The following JMJD1C variants were observed in gnomAD, a reference collection of about 807,000 sequenced individuals.
JMJD1C encodes jumonji domain containing 1C.
JMJD1C carries 31 observed loss-of-function variants against 245.3 expected under a neutral mutation model. The ratio of observed to expected loss-of-function variants is 0.13; its 90% CI spans 0.09 to 0.17. The LOEUF is 0.17. JMJD1C is among the 10% of genes least tolerant of loss of function. The pLI is 1.00. For synonymous variants in JMJD1C, 1,057 were observed against 1,017.4 expected (o/e 1.04, Z -0.74); for missense variants, 2,691 against 3,000.2 (o/e 0.90, Z 2.41).
At chr10:63,182,633 C>A (rs1023826014) in intron 22 of JMJD1C, among the ~76,000 whole-genome samples, 2 of 152,140 alleles carry the variant, frequency 1.3e-5, no homozygotes, top group African/African-American at 4.8e-5. Flanking sequence ...AGGCCTATGA[C>A]TGTATCTATG....
intron 1 of JMJD1C, among the ~76,000 whole-genome samples, chr10:63,433,323 T>C (rs1950878818): frequency 6.6e-6 from 1 of 152,144 alleles, no homozygotes; most frequent in African/African-American, 2.4e-5. Context: ...CTCGAACTCC[T>C]AACCTCAGGT....
chr10:63,283,867 T>C (rs1405579483), intron 2 of JMJD1C, among the ~76,000 whole-genome samples: 1 of 152,016 alleles, frequency 6.6e-6, no homozygotes, highest in African/African-American at 2.4e-5. Flanking sequence ...TTTAAAGTAG[T>C]CATGGAAATA....
At chr10:63,479,941 A>C (rs902642076) in intron 1 of JMJD1C, among the ~76,000 whole-genome samples, 15 of 152,214 alleles carry the variant, frequency 9.9e-5, no homozygotes, top group Non-Finnish European at 1.9e-4. Flanking sequence ...GATTTTTGAG[A>C]AGACTAAATA....
chr10:63,317,844 T>A (rs1443697177), intron 2 of JMJD1C, among the ~76,000 whole-genome samples: 1 of 152,166 alleles, frequency 6.6e-6, no homozygotes. Context: ...AGGTCACTGA[T>A]CTTTTTTCTT....
At chr10:63,188,256 C>T (rs1033145798) in intron 18 of JMJD1C, among the ~76,000 whole-genome samples, 5 of 152,152 alleles carry the variant, frequency 3.3e-5, no homozygotes, top group African/African-American at 1.2e-4. Context: ...AAATTTCAGT[C>T]CAGTAATGTC....
At chr10:63,194,956 T>C (rs1845273048) in intron 13 of JMJD1C, among the ~76,000 whole-genome samples, 1 of 152,228 alleles carries the variant, frequency 6.6e-6, no homozygotes, top group Non-Finnish European at 1.5e-5. Flanking sequence ...ATTTGATACC[T>C]TGATCTCAAG....
chr10:63,182,063 T>A (rs1228770247), intron 22 of JMJD1C, among the ~76,000 whole-genome samples: 1 of 152,196 alleles, frequency 6.6e-6, no homozygotes, highest in Non-Finnish European at 1.5e-5. Context: ...AATTGTCAAA[T>A]GTACACAAAA....
intron 1 of JMJD1C, among the ~76,000 whole-genome samples, chr10:63,476,028 G>C (rs1267161653): frequency 1.3e-5 from 2 of 151,790 alleles, no homozygotes; most frequent in Non-Finnish European, 2.9e-5. Context: ...GGCCAACATG[G>C]TGAAACCCTG....
intron 2 of JMJD1C, among the ~76,000 whole-genome samples, chr10:63,325,214 A>C (rs1284718487): frequency 6.6e-6 from 1 of 152,228 alleles, no homozygotes; most frequent in Non-Finnish European, 1.5e-5. Flanking sequence ...TTAACAAATA[A>C]TACAAACTTT....
In JMJD1C at chr10:63,186,924, A is replaced by G. The variant is rs531900690; in HGVS notation, c.6571-541T>C. Among the ~76,000 whole-genome samples, 5 of 152,300 alleles carry G rather than the reference A, an allele frequency of 3.3e-5. No homozygotes were observed. The East Asian group carries it at 9.6e-4, about 29-fold the overall frequency. Reference sequence around the variant, plus strand: ...TGATATTTACTAGGCTGGGTGTAGCAATGCATTCTTGTAGTCCCAGCTCCC... The same window carrying G: ...TGATATTTACTAGGCTGGGTGTAGCGATGCATTCTTGTAGTCCCAGCTCCC... On this transcript the variant is annotated intron_variant, in intron 18 of 25. Transcript: ENST00000399262.
At chr10:63,215,522 T>TA (rs753992011) in intron 6 of JMJD1C, 31 bp downstream of exon 6, 65 of 1,607,468 alleles carry the variant, frequency 4.0e-5, no homozygotes, top group Non-Finnish European at 5.4e-5. Flanking sequence ...AAAAATATTT[T>TA]ACAGAAATTC....
At chr10:63,356,943 T>C (rs1944895316) in intron 2 of JMJD1C, among the ~76,000 whole-genome samples, 2 of 152,200 alleles carry the variant, frequency 1.3e-5, no homozygotes, top group South Asian at 4.1e-4. Flanking sequence ...AGAATAATAG[T>C]GTCTACCTCA....
At chr10:63,379,674 A>G (rs539888545) in intron 2 of JMJD1C, among the ~76,000 whole-genome samples, 2 of 152,286 alleles carry the variant, frequency 1.3e-5, no homozygotes, top group East Asian at 3.9e-4. Context: ...TCATTCAGCA[A>G]AGTTGTTCCA....
rs537376037 is a variant in JMJD1C, at chr10:63,335,038, A to T, written c.333+45280T>A. Among the ~76,000 whole-genome samples, 8 of 151,214 alleles carry T rather than the reference A, an allele frequency of 5.3e-5. No individual in the cohort carries two copies. In the East Asian group the frequency reaches 1.2e-3, roughly 22 times the overall value. On this transcript the variant is annotated intron_variant, in intron 2 of 25. Coordinates refer to ENST00000399262, the MANE Select transcript of JMJD1C (RefSeq NM_032776.3). The stretch of plus-strand genomic sequence containing the variant: ...TCTGTCTTTGGAAAAAAATAAAAAA[A>T]AAAAAAAATATTGTTCCTAACTAAG...
intron 2 of JMJD1C, among the ~76,000 whole-genome samples, chr10:63,339,118 T>C (rs1055142160): frequency 1.3e-5 from 2 of 152,170 alleles, no homozygotes; most frequent in African/African-American, 4.8e-5. Context: ...AGATACCACT[T>C]TACCACCTGC....
intron 3 of JMJD1C, chr10:63,223,024 T>TACC: frequency 7.6e-7 from 1 of 1,309,618 alleles, no homozygotes; most frequent in Non-Finnish European, 1.1e-6. Context: ...ACAATACTAT[T>TACC]AAAGTATTTT....
At chr10:63,289,577 A>T (rs1329678123) in intron 2 of JMJD1C, among the ~76,000 whole-genome samples, 1 of 152,234 alleles carries the variant, frequency 6.6e-6, no homozygotes, top group Non-Finnish European at 1.5e-5. Context: ...AATAGTGACA[A>T]GCTCTACTTG....
chr10:63,410,908 A>G (rs1189983336), intron 1 of JMJD1C, among the ~76,000 whole-genome samples: 1 of 152,186 alleles, frequency 6.6e-6, no homozygotes, highest in Non-Finnish European at 1.5e-5. Flanking sequence ...CATTAAAACT[A>G]CTTTTCACTG....
intron 1 of JMJD1C, among the ~76,000 whole-genome samples, chr10:63,515,054 T>C (rs543354428): frequency 5.3e-5 from 8 of 152,298 alleles, no homozygotes; most frequent in Admixed American, 1.3e-4. Flanking sequence ...CTCAGTCCTC[T>C]GGTGAGCCCG....
Sources: gnomAD v4.1 joint callset for allele counts (sites outside exome capture counted in the v4.1 genomes callset) on GRCh38, gnomAD v4.1.1 for gene constraint, MANE v1.5 for transcripts, NCBI Gene and HGNC (gene_info 2026-07-23, HGNC 2026-07-21) for gene names.